Variants in ITSN2 observed in about 807,000 individuals in gnomAD.
ITSN2 encodes the protein intersectin 2.
ITSN2 carries 156 observed loss-of-function variants against 243.7 expected under a neutral mutation model. The observed-to-expected ratio is 0.64, with a 90% confidence interval of 0.56 to 0.73. The LOEUF is 0.73. Ranked by LOEUF, ITSN2 falls within the 30% of genes least tolerant of loss-of-function variation. ITSN2 has a pLI of 0.00. For synonymous variants in ITSN2, 703 were observed against 699.9 expected (o/e 1.00, Z -0.07); for missense variants, 1,801 against 1,996.1 (o/e 0.90, Z 1.86).
At chr2:24,298,355 A>G (rs1272802769) in intron 13 of ITSN2, among the ~76,000 whole-genome samples, 1 of 152,010 alleles carries the variant, frequency 6.6e-6, no homozygotes, top group Non-Finnish European at 1.5e-5. Context: ...ATGGGGTTTC[A>G]CTATATTGGC....
chr2:24,322,295 G>C (rs1220652305), intron 2 of ITSN2, among the ~76,000 whole-genome samples: 1 of 152,168 alleles, frequency 6.6e-6, no homozygotes, highest in East Asian at 1.9e-4. Flanking sequence ...ATCAGAGAAG[G>C]AAACAGTGGT....
At chr2:24,233,195 T>TTACAG (rs1671797402) in intron 29 of ITSN2, among the ~76,000 whole-genome samples, 1 of 152,332 alleles carries the variant, frequency 6.6e-6, no homozygotes, top group South Asian at 2.1e-4. Context: ...ACTGAACAGC[T>TTACAG]TATTACACCA....
At chr2:24,295,473 AT>A (rs1680831500) in intron 14 of ITSN2, among the ~76,000 whole-genome samples, 190 bp downstream of exon 14, 1 of 151,860 alleles carries the variant, frequency 6.6e-6, no homozygotes, top group Non-Finnish European at 1.5e-5. Context: ...TACCCAGCTA[AT>A]TTTTTTGTAT....
intron 2 of ITSN2, among the ~76,000 whole-genome samples, chr2:24,317,082 C>CGTT (rs1684018133): frequency 6.6e-6 from 1 of 152,110 alleles, no homozygotes; most frequent in Non-Finnish European, 1.5e-5. Flanking sequence ...TTTGGCTTTA[C>CGTT]GTTAAAAAGT....
At chr2:24,282,316 G>A (rs1234863106) in intron 17 of ITSN2, among the ~76,000 whole-genome samples, 1 of 152,220 alleles carries the variant, frequency 6.6e-6, no homozygotes, top group Non-Finnish European at 1.5e-5. Flanking sequence ...GAGGAACAAT[G>A]CGGAGTTTGG....
chr2:24,264,002 A>G (rs1389955119), intron 20 of ITSN2, among the ~76,000 whole-genome samples: 1 of 152,206 alleles, frequency 6.6e-6, no homozygotes, highest in Non-Finnish European at 1.5e-5. Context: ...ATTCCACATA[A>G]TCCTTCCATT....
chr2:24,310,670 C>G lies in ITSN2; in HGVS notation c.375G>C (p.Leu125=). ...ARFGMGSMPN[L]SIPQPLPPAA... ...CTGGAGGCAATGGCTGAGGAATGGA[C>G]AGATTGGGCATGCTTCCCATTCCTA... Residue 125 remains leucine, a synonymous_variant, in exon 6 of 40, where the codon CTG becomes CTC. Coordinates refer to ENST00000355123, the MANE Select transcript of ITSN2 (RefSeq NM_006277.3). The G allele has an allele frequency of 6.2e-7, 1 of 1,614,026 alleles. No individual in the cohort carries two copies. Among genetic ancestry groups the G allele is most frequent in the Non-Finnish European group, 8.5e-7 (1 of 1,179,968 alleles).
At chr2:24,331,370 G>T (rs1287224610) in intron 1 of ITSN2, among the ~76,000 whole-genome samples, 2 of 151,798 alleles carry the variant, frequency 1.3e-5, no homozygotes, top group South Asian at 2.1e-4. Flanking sequence ...ACTGTGCCCA[G>T]CCTACTTTTT....
At chr2:24,338,377 T>G (rs1017718453) in intron 1 of ITSN2, among the ~76,000 whole-genome samples, 1 of 152,174 alleles carries the variant, frequency 6.6e-6, no homozygotes, top group Non-Finnish European at 1.5e-5. Context: ...TTAAATGTAT[T>G]TGATTGAAGT....
At chr2:24,298,545 C>G in intron 13 of ITSN2, 120 bp downstream of exon 13, 1 of 869,000 alleles carries the variant, frequency 1.2e-6, no homozygotes. Flanking sequence ...ATCTGCCTGC[C>G]TTGGCCTCCC....
intron 1 of ITSN2, among the ~76,000 whole-genome samples, chr2:24,333,310 C>T (rs1406897541): frequency 6.6e-6 from 1 of 152,218 alleles, no homozygotes; most frequent in Admixed American, 6.5e-5. Flanking sequence ...ACACACTGGA[C>T]AGCATCAATC....
At chr2:24,307,863 A>G (rs911565090) in intron 8 of ITSN2, among the ~76,000 whole-genome samples, 4 of 152,136 alleles carry the variant, frequency 2.6e-5, no homozygotes, top group African/African-American at 9.7e-5. Flanking sequence ...TCGAAATCCT[A>G]ACTTTTTCAT....
intron 15 of ITSN2, among the ~76,000 whole-genome samples, chr2:24,287,596 T>A (rs539101051): frequency 6.6e-6 from 1 of 151,964 alleles, no homozygotes; most frequent in South Asian, 2.1e-4. Context: ...TTCTATCTTA[T>A]TTTTTTTAGA....
chr2:24,217,626 G>A (rs1670090543), intron 31 of ITSN2, among the ~76,000 whole-genome samples: 1 of 152,186 alleles, frequency 6.6e-6, no homozygotes, highest in African/African-American at 2.4e-5. Context: ...CCCTGCCAGG[G>A]TCAAGGACAT....
In ITSN2 at chr2:24,209,836, T is replaced by C. The variant is rs773602821; in HGVS notation, c.4455A>G (p.Gln1485=). The C allele has an allele frequency of 1.9e-6, 3 of 1,613,868 alleles. No homozygotes were observed. The highest frequency in any genetic ancestry group is 2.7e-5 in the African/African-American group (2 of 74,910). ...TACTCACCGTTTTATACATTTTGAA[T>C]TGAGCATTGGACTTCGAGCTGAAAA... The part of the protein sequence containing the change: ...EKLFSSKSNA[Q]FKMYKTPIFL... The change falls in exon 35 of 40, where the codon CAA becomes CAG. Residue 1485 remains glutamine (Q), a synonymous_variant. Transcript: ENST00000355123.
intron 15 of ITSN2, among the ~76,000 whole-genome samples, chr2:24,287,997 A>T (rs2151572166): frequency 6.6e-6 from 1 of 152,078 alleles, no homozygotes; most frequent in African/African-American, 2.4e-5. Context: ...CTGCCTTTTC[A>T]TCTTGATTGT....
intron 30 of ITSN2, chr2:24,220,297 G>C: frequency 1.0e-6 from 1 of 983,810 alleles, no homozygotes; most frequent in African/African-American, 1.7e-5. Context: ...ACTGGGAACT[G>C]AAAGGCATGG....
intron 29 of ITSN2, among the ~76,000 whole-genome samples, chr2:24,237,302 G>A (rs1672270099): frequency 6.6e-6 from 1 of 152,156 alleles, no homozygotes; most frequent in Non-Finnish European, 1.5e-5. Flanking sequence ...GATGGTTGCA[G>A]AGCCAAAATT....
chr2:24,342,959 C>T (rs886427000), intron 1 of ITSN2, among the ~76,000 whole-genome samples: 2 of 151,866 alleles, frequency 1.3e-5, no homozygotes, highest in African/African-American at 4.8e-5. Context: ...GGCGAGGTGG[C>T]ATGTGCCTGT....
Sources: gnomAD v4.1 joint callset for allele counts (sites outside exome capture counted in the v4.1 genomes callset) on GRCh38, gnomAD v4.1.1 for gene constraint, MANE v1.5 for transcripts, NCBI Gene and HGNC (gene_info 2026-07-23, HGNC 2026-07-21) for gene names.